Variants in CPQ observed in about 807,000 individuals in gnomAD.
CPQ encodes Ser-Met dipeptidase.
Under a neutral mutation model 45.7 loss-of-function variants are expected in CPQ, and 37 were observed. The ratio of observed to expected loss-of-function variants is 0.81; its 90% CI spans 0.62 to 1.07. The LOEUF is 1.07. CPQ is among the 50% of genes least tolerant of loss of function. CPQ has a pLI of 0.00. For missense variants in CPQ, 537 were observed against 572.9 expected (o/e 0.94, Z 0.64); for synonymous variants, 186 against 205.8 (o/e 0.90, Z 0.82).
At chr8:96,784,816 G>T (rs142316711) in intron 1 of CPQ, 48 bp from the exon 2 acceptor site, 2 of 1,362,454 alleles carry the variant, frequency 1.5e-6, no homozygotes, top group East Asian at 4.7e-5. Context: ...TGGGCAGATA[G>T]CTGTGAGATT....
intron 7 of CPQ, among the ~76,000 whole-genome samples, chr8:97,141,875 A>G (rs1016966758): frequency 3.9e-5 from 6 of 152,218 alleles, no homozygotes; most frequent in African/African-American, 1.4e-4. Flanking sequence ...TCTGGAGGAT[A>G]TGGTTCAAAA....
intron 4 of CPQ, among the ~76,000 whole-genome samples, chr8:96,908,747 G>GCGCGCGCGCACACACACA (rs149476038): frequency 2.8e-5 from 4 of 140,918 alleles, no homozygotes; most frequent in African/African-American, 7.8e-5. Context: ...ATACACATGC[G>GCGCGCGCGCACACACACA]CACACACACA....
chr8:96,909,255 AGAT>A (rs1812624037), intron 4 of CPQ, among the ~76,000 whole-genome samples: 2 of 151,914 alleles, frequency 1.3e-5, no homozygotes, highest in Admixed American at 6.6e-5. Flanking sequence ...CTGGCATTCT[AGAT>A]TGTTTTAATG....
Position 96,720,542 on chromosome 8 carries a change from A to G in CPQ, c.-34-64322A>G, listed in dbSNP as rs571670608. ...GCTGCCTAAGCCCCTATAAATTACTAGGACTTAACTTACAAATTACTTCCT... is the reference window on the plus strand; with the variant it reads ...GCTGCCTAAGCCCCTATAAATTACTGGGACTTAACTTACAAATTACTTCCT... On this transcript the variant is annotated intron_variant, in intron 1 of 7. Transcript: ENST00000220763. 2.5e-4 allele frequency among the ~76,000 whole-genome samples: 38 copies of G among 152,320 alleles called. No individual in the cohort carries two copies. In the South Asian group the frequency reaches 7.3e-3, roughly 29 times the overall value.
chr8:97,096,023 C>T (rs1563578872), intron 7 of CPQ, among the ~76,000 whole-genome samples: 2 of 152,088 alleles, frequency 1.3e-5, no homozygotes, highest in South Asian at 2.1e-4. Context: ...AGACCATCAA[C>T]AAATTTCCAG....
intron 1 of CPQ, among the ~76,000 whole-genome samples, chr8:96,655,410 T>G (rs1586346591): frequency 6.6e-6 from 1 of 152,238 alleles, no homozygotes; most frequent in African/African-American, 2.4e-5. Flanking sequence ...CTTGGGTTTC[T>G]TTTTTATTGT....
At chr8:97,076,631 A>T (rs1162804306) in intron 7 of CPQ, among the ~76,000 whole-genome samples, 1 of 152,180 alleles carries the variant, frequency 6.6e-6, no homozygotes, top group East Asian at 1.9e-4. Flanking sequence ...ATCATTTGTC[A>T]TGTTCCCCTA....
chr8:96,702,707 G>A (rs934181893), intron 1 of CPQ, among the ~76,000 whole-genome samples: 2 of 152,272 alleles, frequency 1.3e-5, no homozygotes, highest in African/African-American at 2.4e-5. Flanking sequence ...CTAGTAAGTG[G>A]TAGAGCCAGG....
intron 2 of CPQ, among the ~76,000 whole-genome samples, chr8:96,834,190 C>A (rs1293558595): frequency 1.3e-5 from 2 of 152,152 alleles, no homozygotes; most frequent in Non-Finnish European, 2.9e-5. Context: ...AGATGTGAAA[C>A]CCTGTTCCCT....
At chr8:96,803,247 C>T (rs1811031441) in intron 2 of CPQ, among the ~76,000 whole-genome samples, 1 of 152,198 alleles carries the variant, frequency 6.6e-6, no homozygotes, top group Non-Finnish European at 1.5e-5. Context: ...TGCCTTTCTG[C>T]TCTATTCAGC....
intron 4 of CPQ, among the ~76,000 whole-genome samples, chr8:96,923,269 G>T (rs894472803): frequency 3.9e-5 from 6 of 152,134 alleles, no homozygotes; most frequent in African/African-American, 1.4e-4. Flanking sequence ...ATTGTCAGTG[G>T]CTAGATAGTT....
chr8:97,111,559 G>A (rs1429775753), intron 7 of CPQ, among the ~76,000 whole-genome samples: 1 of 152,196 alleles, frequency 6.6e-6, no homozygotes, highest in Non-Finnish European at 1.5e-5. Context: ...TTCACTTCTA[G>A]TCAGGACTAT....
At chr8:96,877,356 T>TAAAGTGGGGGGG (rs1812159917) in intron 3 of CPQ, among the ~76,000 whole-genome samples, 1 of 152,182 alleles carries the variant, frequency 6.6e-6, no homozygotes, top group African/African-American at 2.4e-5. Context: ...CTGTCCCCAC[T>TAAAGTGGGGGGG]TTAAGAAGTC....
intron 7 of CPQ, among the ~76,000 whole-genome samples, chr8:97,079,400 T>G (rs533287262): frequency 6.6e-6 from 1 of 152,314 alleles, no homozygotes; most frequent in East Asian, 1.9e-4. Flanking sequence ...ATATTTGTTG[T>G]TTACTATGTG....
intron 6 of CPQ, among the ~76,000 whole-genome samples, chr8:97,055,944 C>G (rs1399539653): frequency 6.6e-6 from 1 of 151,898 alleles, no homozygotes; most frequent in African/African-American, 2.4e-5. Flanking sequence ...TATAAAAACA[C>G]AAAAAAATTA....
intron 1 of CPQ, among the ~76,000 whole-genome samples, chr8:96,712,199 C>T (rs1274200234): frequency 6.6e-6 from 1 of 152,184 alleles, no homozygotes; most frequent in Non-Finnish European, 1.5e-5. Flanking sequence ...CATCTCCACC[C>T]CTGTGACTTT....
At chr8:96,721,839 T>C (rs1166720513) in intron 1 of CPQ, among the ~76,000 whole-genome samples, 2 of 152,318 alleles carry the variant, frequency 1.3e-5, no homozygotes, top group African/African-American at 2.4e-5. Context: ...CAGTTTGTCA[T>C]ATGTGCAGTG....
intron 4 of CPQ, among the ~76,000 whole-genome samples, chr8:96,960,688 G>A (rs575869534): frequency 6.6e-6 from 1 of 152,110 alleles, no homozygotes; most frequent in South Asian, 2.1e-4. Flanking sequence ...GCTAACTTTG[G>A]TATACCATTG....
At chr8:96,955,604 C>T (rs538333310) in intron 4 of CPQ, among the ~76,000 whole-genome samples, 10 of 152,212 alleles carry the variant, frequency 6.6e-5, no homozygotes, top group South Asian at 2.1e-4. Flanking sequence ...GGAGGCATCA[C>T]GCTACCTGAC....
Sources: allele counts gnomAD v4.1 joint callset (sites outside exome capture counted in the v4.1 genomes callset), GRCh38; gene constraint gnomAD v4.1.1; transcripts MANE v1.5; gene names NCBI Gene and HGNC (gene_info 2026-07-23, HGNC 2026-07-21).